The following NT5C2 variants were observed in gnomAD, a reference collection of about 807,000 sequenced individuals.
NT5C2 encodes the protein 5'-nucleotidase, cytosolic II.
NT5C2 carries 58 observed loss-of-function variants against 76.1 expected under a neutral mutation model. That is an observed-to-expected ratio of 0.76 (90% CI 0.62 to 0.95). The LOEUF is 0.95. Ranked by LOEUF, NT5C2 falls within the 40% of genes least tolerant of loss-of-function variation. The pLI, the probability that NT5C2 is intolerant of heterozygous loss-of-function variation, is 0.00. For synonymous variants in NT5C2, 229 were observed against 237.4 expected (o/e 0.96, Z 0.32); for missense variants, 478 against 690.3 (o/e 0.69, Z 3.45).
intron 4 of NT5C2, among the ~76,000 whole-genome samples, chr10:103,131,835 T>C (rs893797502): frequency 6.6e-6 from 1 of 152,118 alleles, no homozygotes. Context: ...AATGGGAGGA[T>C]CACCTAAGTC....
chr10:103,140,886 C>G (rs1309972549), intron 3 of NT5C2, among the ~76,000 whole-genome samples: 1 of 152,046 alleles, frequency 6.6e-6, no homozygotes, highest in Non-Finnish European at 1.5e-5. Flanking sequence ...TTTCTTTTTT[C>G]GCTATTGTTT....
intron 3 of NT5C2, among the ~76,000 whole-genome samples, chr10:103,148,309 G>A (rs1379347329): frequency 6.6e-6 from 1 of 152,154 alleles, no homozygotes; most frequent in Non-Finnish European, 1.5e-5. Flanking sequence ...ATTGTGTCAA[G>A]AGAACAGCAG....
At position 103,093,436 on chromosome 10, in the gene NT5C2, C is replaced by CA. The variant is rs975384866; in HGVS notation, c.989-128dup. 14 of 798,022 alleles carry CA rather than the reference C, an allele frequency of 1.8e-5. No individual in the cohort carries two copies. The South Asian group carries it at 3.7e-4, about 21-fold the overall frequency. The allele number at this position is 798,022 out of a possible 1,614,324, so 49.4% of individuals were successfully genotyped here. A position where few individuals can be genotyped will look rare whatever the true frequency, so the allele number is the denominator to read the frequency against. ...TGAGGAACAGACTAGGAAGAATAGACAAAGACTCACCATTCTCTTTTTACT... is the reference window on the plus strand; with the variant it reads ...TGAGGAACAGACTAGGAAGAATAGACAAAAGACTCACCATTCTCTTTTTACT... On this transcript the variant is annotated intron_variant, in intron 14 of 18. Transcript: ENST00000404739.
intron 3 of NT5C2, among the ~76,000 whole-genome samples, chr10:103,173,183 A>G (rs951326991): frequency 2.0e-5 from 3 of 152,146 alleles, no homozygotes; most frequent in South Asian, 4.1e-4. Flanking sequence ...TCGAGAAAAT[A>G]TTACAGTCTA....
chr10:103,104,089 T>G (rs1474548069), intron 6 of NT5C2, among the ~76,000 whole-genome samples: 1 of 152,242 alleles, frequency 6.6e-6, no homozygotes, highest in Non-Finnish European at 1.5e-5. Context: ...CAAGAAGTCT[T>G]CTTGCCTTGT....
intron 4 of NT5C2, among the ~76,000 whole-genome samples, chr10:103,133,315 C>T (rs184721275): frequency 7.9e-5 from 12 of 152,102 alleles, no homozygotes; most frequent in East Asian, 5.8e-4. Context: ...TTGCCCAGGC[C>T]GGAGTGCAGT....
chr10:103,097,942 C>G (rs2068606317), intron 10 of NT5C2: 1 of 476,194 alleles, frequency 2.1e-6, no homozygotes, highest in Non-Finnish European at 4.1e-6. Flanking sequence ...CAAATAGATT[C>G]CTTCACTCAA....
intron 16 of NT5C2, 51 bp from the exon 17 acceptor site, chr10:103,091,047 T>G (rs780164031): frequency 6.6e-7 from 1 of 1,522,902 alleles, no homozygotes; most frequent in Admixed American, 1.7e-5. Flanking sequence ...AGCTTTTTTT[T>G]ATTCTTTAAG....
chr10:103,176,689 G>T (rs1218622974), intron 2 of NT5C2, among the ~76,000 whole-genome samples: 2 of 152,124 alleles, frequency 1.3e-5, no homozygotes, highest in Non-Finnish European at 2.9e-5. Context: ...AGACCGGGGC[G>T]AGGGGGTCTC....
chr10:103,091,560 T>C lies in NT5C2; in HGVS notation c.1211+4A>G. The C allele has an allele frequency of 6.2e-7, 1 of 1,610,254 alleles. No individual in the cohort carries two copies. Among genetic ancestry groups the C allele is most frequent in the East Asian group, 2.2e-5 (1 of 44,834 alleles). On this transcript the variant is annotated splice_donor_region_variant and intron_variant, in intron 16 of 18. Transcript: ENST00000404739. ...TTTGGGAAAGAAATTTTTAGAAAAC[T>C]TACTTGTAGAGTTCAGCCAAGAAAA...
intron 3 of NT5C2, among the ~76,000 whole-genome samples, chr10:103,154,820 A>G (rs2083043312): frequency 6.6e-6 from 1 of 152,230 alleles, no homozygotes; most frequent in African/African-American, 2.4e-5. Context: ...AGCAAATTCC[A>G]TAACTACAAG....
chr10:103,172,039 G>A (rs1488130832), intron 3 of NT5C2, among the ~76,000 whole-genome samples: 1 of 151,788 alleles, frequency 6.6e-6, no homozygotes, highest in East Asian at 2.0e-4. Flanking sequence ...GTGAAACCCT[G>A]TCTCTACTAA....
chr10:103,094,349 G>C lies in NT5C2; in HGVS notation c.920C>G (p.Thr307Ser), dbSNP rs1415972113. Reference sequence around the variant, plus strand: ...AGACAGATCATTCTCATGACTTACAGTATCCACCTGACGCAGTACTGTGCC... The same window carrying C: ...AGACAGATCATTCTCATGACTTACACTATCCACCTGACGCAGTACTGTGCC... ...GEGTVLRQVDTKTGKLKIGTY... is the reference protein window; with the variant it reads ...GEGTVLRQVDSKTGKLKIGTY... Residue 307 changes from threonine to serine, a missense_variant and splice_region_variant, in exon 13 of 19, where the codon ACT becomes AGT. Thr to Ser is a moderately conservative substitution (Grantham distance 58). Transcript: ENST00000404739. 5 of 1,569,408 alleles carry C rather than the reference G, an allele frequency of 3.2e-6. No individual in the cohort carries two copies. Among genetic ancestry groups the C allele is most frequent in the Non-Finnish European group, 4.4e-6 (5 of 1,139,400 alleles).
At chr10:103,188,876 C>G (rs926369841) in intron 1 of NT5C2, among the ~76,000 whole-genome samples, 2 of 151,960 alleles carry the variant, frequency 1.3e-5, no homozygotes, top group African/African-American at 4.8e-5. Context: ...GTGTCACATG[C>G]CTGTATTCTC....
In NT5C2 at chr10:103,088,294, T is replaced by TTCAC. The variant is rs1225534308; in HGVS notation, c.*1374_*1377dup. Reference sequence around the variant, plus strand: ...GTTTGTTTAAAATGTTGAAACAACTTTCACTGTACTGGTGAAACAGTTTTA... The same window carrying TTCAC: ...GTTTGTTTAAAATGTTGAAACAACTTTCACTCACTGTACTGGTGAAACAGTTTTA... On this transcript the variant is annotated 3_prime_UTR_variant, in exon 19 of 19. Coordinates refer to ENST00000404739, the MANE Select transcript of NT5C2 (RefSeq NM_001351169.2). The TTCAC allele has an allele frequency of 2.6e-4, 40 of 152,234 alleles. No homozygotes were observed. Among genetic ancestry groups the TTCAC allele is most frequent in the Non-Finnish European group, 3.1e-4 (21 of 68,030 alleles). The allele number at this position is 152,234 out of a possible 1,614,324, so 9.4% of individuals were successfully genotyped here. A position where few individuals can be genotyped will look rare whatever the true frequency, so the allele number is the denominator to read the frequency against.
intron 1 of NT5C2, among the ~76,000 whole-genome samples, chr10:103,192,122 T>A (rs2092686919): frequency 6.6e-6 from 1 of 152,132 alleles, no homozygotes; most frequent in African/African-American, 2.4e-5. Flanking sequence ...TAACACTAAG[T>A]TTTCATGGTA....
intron 3 of NT5C2, among the ~76,000 whole-genome samples, chr10:103,156,974 G>A (rs577619065): frequency 4.3e-4 from 66 of 151,914 alleles, no homozygotes; most frequent in Non-Finnish European, 5.4e-4. Flanking sequence ...GGAGAATGCC[G>A]TGAACCCATA....
At chr10:103,190,416 G>A (rs1228706901) in intron 1 of NT5C2, among the ~76,000 whole-genome samples, 1 of 152,146 alleles carries the variant, frequency 6.6e-6, no homozygotes, top group Non-Finnish European at 1.5e-5. Context: ...CTACTCTGAA[G>A]TGTTACTGTT....
intron 2 of NT5C2, among the ~76,000 whole-genome samples, chr10:103,178,354 G>C (rs1442204270): frequency 6.6e-6 from 1 of 151,946 alleles, no homozygotes; most frequent in Non-Finnish European, 1.5e-5. Flanking sequence ...TTGAAAGCCT[G>C]GGCAACATGG....
Sources: allele counts gnomAD v4.1 joint callset (sites outside exome capture counted in the v4.1 genomes callset), GRCh38; gene constraint gnomAD v4.1.1; transcripts MANE v1.5; gene names NCBI Gene and HGNC (gene_info 2026-07-23, HGNC 2026-07-21).